The following PHF20 variants were observed in gnomAD, a reference collection of about 807,000 sequenced individuals.
The protein encoded by PHF20 is glioma-expressed antigen 2.
Under a neutral mutation model 113.5 loss-of-function variants are expected in PHF20, and 23 were observed. That is an observed-to-expected ratio of 0.20 (90% CI 0.15 to 0.29). The LOEUF (loss-of-function observed/expected upper bound fraction) is 0.29, where lower values mean the gene tolerates loss of function less well. Among genes scored for constraint, PHF20 ranks in the 10% least tolerant of loss-of-function variants. The probability of loss-of-function intolerance (pLI) is 1.00; values close to 1 mark genes in which losing one functional copy is unlikely to be tolerated. For missense variants in PHF20, 943 were observed against 1,219.6 expected (o/e 0.77, Z 3.38); for synonymous variants, 434 against 457.3 (o/e 0.95, Z 0.65).
At chr20:35,908,777 C>T (rs1361355549) in intron 10 of PHF20, among the ~76,000 whole-genome samples, 1 of 152,206 alleles carries the variant, frequency 6.6e-6, no homozygotes, top group Admixed American at 6.5e-5. Flanking sequence ...ATTCTAATTT[C>T]AGTTCCATTG....
intron 2 of PHF20, among the ~76,000 whole-genome samples, chr20:35,832,700 T>A (rs2042375624): frequency 6.6e-6 from 1 of 152,162 alleles, no homozygotes; most frequent in Non-Finnish European, 1.5e-5. Flanking sequence ...GTCTACTGTG[T>A]GTTGTAACGT....
intron 13 of PHF20, among the ~76,000 whole-genome samples, chr20:35,927,335 G>C (rs2055660114): frequency 6.6e-6 from 1 of 152,178 alleles, no homozygotes; most frequent in African/African-American, 2.4e-5. Flanking sequence ...GCTATGTGCT[G>C]GGCTCTGTAA....
At chr20:35,882,963 G>T (rs2054660922) in intron 9 of PHF20, among the ~76,000 whole-genome samples, 2 of 151,574 alleles carry the variant, frequency 1.3e-5, no homozygotes, top group African/African-American at 4.8e-5. Flanking sequence ...GGGAGGCGGA[G>T]GTTGCAGTGA....
intron 10 of PHF20, among the ~76,000 whole-genome samples, chr20:35,905,556 G>GT (rs962134843): frequency 1.8e-4 from 27 of 152,322 alleles, no homozygotes; most frequent in African/African-American, 6.5e-4. Context: ...GGGAAGAGGG[G>GT]CCTCACTGGG....
intron 4 of PHF20, chr20:35,850,541 C>CTTAATGGGT (rs1354417785): frequency 8.4e-6 from 1 of 118,458 alleles, no homozygotes; most frequent in Non-Finnish European, 1.6e-5. Flanking sequence ...AATGCCATAT[C>CTTAATGGGT]TTAATGGGTA....
At chr20:35,880,813 A>T (rs1158670009) in intron 9 of PHF20, among the ~76,000 whole-genome samples, 1 of 151,984 alleles carries the variant, frequency 6.6e-6, no homozygotes, top group East Asian at 1.9e-4. Context: ...TAAAAAAATT[A>T]GTCAGGCGTG....
intron 10 of PHF20, among the ~76,000 whole-genome samples, 156 bp from the exon 11 acceptor site, chr20:35,913,093 G>A (rs942121926): frequency 3.9e-5 from 6 of 152,194 alleles, no homozygotes; most frequent in African/African-American, 1.4e-4. Context: ...GAAAGGCTAA[G>A]TGATGGAGGC....
intron 6 of PHF20, among the ~76,000 whole-genome samples, chr20:35,864,049 C>T (rs1290592208): frequency 1.3e-5 from 2 of 152,100 alleles, no homozygotes; most frequent in African/African-American, 4.8e-5. Flanking sequence ...CTGATTTCTT[C>T]CTAAGCCAAA....
intron 1 of PHF20, among the ~76,000 whole-genome samples, chr20:35,795,579 G>T (rs1346931018): frequency 2.6e-5 from 4 of 152,016 alleles, no homozygotes; most frequent in Admixed American, 2.6e-4. Flanking sequence ...GGGTTTTGCA[G>T]ACCTTTCTCA....
intron 1 of PHF20, among the ~76,000 whole-genome samples, chr20:35,785,295 ATACT>A (rs2041385932): frequency 6.6e-6 from 1 of 152,154 alleles, no homozygotes; most frequent in Non-Finnish European, 1.5e-5. Context: ...ATAAAAATTC[ATACT>A]TAAAGGAAAA....
intron 9 of PHF20, among the ~76,000 whole-genome samples, chr20:35,894,511 A>G (rs1384889986): frequency 6.6e-6 from 1 of 152,254 alleles, no homozygotes; most frequent in Non-Finnish European, 1.5e-5. Context: ...TGCCTCTGGC[A>G]TGAGCATGCA....
chr20:35,927,828 G>A lies in PHF20; in HGVS notation c.2053G>A (p.Glu685Lys). 1 of 1,614,148 alleles carries A rather than the reference G, an allele frequency of 6.2e-7. No individual in the cohort carries two copies. Among genetic ancestry groups the A allele is most frequent in the Non-Finnish European group, 8.5e-7 (1 of 1,179,964 alleles). ...GCATGGGGTCTGCATGGGATTACTG[G>A]AAGAAAATGTGCCCGAGAAATACAC... ...WQHGVCMGLLEENVPEKYTCY... is the reference protein window; with the variant it reads ...WQHGVCMGLLKENVPEKYTCY... The change falls in exon 14 of 18, where the codon GAA (glutamate) becomes AAA (lysine). Residue 685 changes from glutamate to lysine, a missense_variant. This residue lies in a region of PHF20 where 349 missense variants were observed against 412.3 expected (regional missense o/e 0.85). Transcript: ENST00000374012.
chr20:35,883,144 A>G (rs1161719699), intron 9 of PHF20, among the ~76,000 whole-genome samples: 2 of 152,052 alleles, frequency 1.3e-5, no homozygotes, highest in African/African-American at 4.8e-5. Flanking sequence ...AAGCCCAGGC[A>G]TTCGGTGTTG....
intron 2 of PHF20, among the ~76,000 whole-genome samples, chr20:35,834,181 T>G (rs985852345): frequency 6.6e-6 from 1 of 151,220 alleles, no homozygotes; most frequent in Non-Finnish European, 1.5e-5. Context: ...GGAGGAGAGA[T>G]AATGCCTCTC....
chr20:35,913,967 G>C, intron 11 of PHF20, 66 bp from the exon 12 acceptor site: 2 of 1,489,740 alleles, frequency 1.3e-6, no homozygotes, highest in South Asian at 1.2e-5. Context: ...GGTTGGATGA[G>C]ATTGATTCTA....
At chr20:35,859,756 G>T (rs1458511489) in intron 5 of PHF20, among the ~76,000 whole-genome samples, 1 of 152,070 alleles carries the variant, frequency 6.6e-6, no homozygotes, top group Non-Finnish European at 1.5e-5. Context: ...CGTTGTCCAG[G>T]CTGGTCTCAA....
chr20:35,844,930 G>T (rs989087348), intron 3 of PHF20, among the ~76,000 whole-genome samples: 5 of 151,920 alleles, frequency 3.3e-5, no homozygotes, highest in African/African-American at 1.2e-4. Context: ...AATAAGTTTT[G>T]CAAATTTATA....
chr20:35,782,056 T>G (rs988892813), intron 1 of PHF20, among the ~76,000 whole-genome samples: 4 of 152,172 alleles, frequency 2.6e-5, no homozygotes, highest in Non-Finnish European at 5.9e-5. Context: ...TCCATGTTTT[T>G]GAATACTTTT....
In PHF20 at chr20:35,860,962, C is replaced by CTTACCT. The variant is rs1490297882; in HGVS notation, c.421-2050_421-2049insTACCTT. Among the ~76,000 whole-genome samples the CTTACCT allele has an allele frequency of 4.6e-5, 7 of 152,240 alleles. No homozygotes were observed. The East Asian group carries it at 1.2e-3, about 25-fold the overall frequency. ...TGGGTGCCTTACCCAGTGAGGATTT[C>CTTACCT]TGGGTGCCATGCTTCATTTCTCATT... On this transcript the variant is annotated intron_variant, in intron 5 of 17. Coordinates refer to ENST00000374012, the MANE Select transcript of PHF20 (RefSeq NM_016436.5).
Sources: allele counts gnomAD v4.1 joint callset (sites outside exome capture counted in the v4.1 genomes callset), GRCh38; gene constraint gnomAD v4.1.1; regional missense constraint gnomAD v4.1.1; transcripts MANE v1.5; gene names NCBI Gene and HGNC (gene_info 2026-07-23, HGNC 2026-07-21).